The following THSD4 variants were observed in gnomAD, a reference collection of about 807,000 sequenced individuals.
THSD4 encodes the protein thrombospondin type 1 domain containing 4.
In THSD4, 69 loss-of-function variants were observed where a neutral mutation model predicts 119.0. The observed-to-expected ratio is 0.58, with a 90% CI of 0.48 to 0.71. The LOEUF (loss-of-function observed/expected upper bound fraction) is 0.71. Among genes scored for constraint, THSD4 ranks in the 30% least tolerant of loss-of-function variants. The pLI is 0.00. For missense variants in THSD4, 1,393 were observed against 1,391.1 expected (o/e 1.00, Z -0.02); for synonymous variants, 524 against 540.4 (o/e 0.97, Z 0.42).
At chr15:71,757,577 T>A (rs936511217) in intron 14 of THSD4, among the ~76,000 whole-genome samples, 2 of 4,060 alleles carry the variant, frequency 4.9e-4, no homozygotes, top group African/African-American at 2.8e-3. Context: ...ACCACAGGCG[T>A]GAGCCACAAT....
chr15:71,215,030 C>G lies in THSD4; in HGVS notation c.100-5C>G. On this transcript the variant is annotated splice_polypyrimidine_tract_variant and splice_region_variant and intron_variant, in intron 3 of 17. Coordinates refer to ENST00000261862, the MANE Select transcript of THSD4 (RefSeq NM_024817.3). ...TGGTCCCCTAACCTGCCTCTGTCTC[C>G]GCAGGTCCCGCAGCGGATGGCGGCG... is the stretch of plus-strand genomic sequence containing the variant. 1 of 1,266,742 alleles carries G rather than the reference C, an allele frequency of 7.9e-7. No individual in the cohort carries two copies. Among genetic ancestry groups the G allele is most frequent in the Non-Finnish European group, 1.0e-6 (1 of 1,000,544 alleles). The allele number at this position is 1,266,742 out of a possible 1,614,324, so 78.5% of individuals were successfully genotyped here.
At chr15:71,636,520 G>C (rs1303167836) in intron 7 of THSD4, among the ~76,000 whole-genome samples, 1 of 152,164 alleles carries the variant, frequency 6.6e-6, no homozygotes, top group Non-Finnish European at 1.5e-5. Context: ...GATACTCAAA[G>C]TGTTAGTTTA....
chr15:71,257,986 G>A (rs1456887514), intron 6 of THSD4, among the ~76,000 whole-genome samples: 1 of 151,972 alleles, frequency 6.6e-6, no homozygotes, highest in African/African-American at 2.4e-5. Context: ...TTGATTCTGT[G>A]GATAGAGCTT....
intron 7 of THSD4, among the ~76,000 whole-genome samples, chr15:71,592,672 A>C (rs1435342767): frequency 1.3e-5 from 2 of 152,080 alleles, no homozygotes; most frequent in Middle Eastern, 6.8e-3. Flanking sequence ...TACAGAATGC[A>C]TTTTGTGGGA....
At chr15:71,588,433 A>G (rs1020346715) in intron 7 of THSD4, among the ~76,000 whole-genome samples, 1 of 148,054 alleles carries the variant, frequency 6.8e-6, no homozygotes, top group Non-Finnish European at 1.5e-5. Context: ...TTATTTATTT[A>G]TTTTTCTGAG....
At chr15:71,626,703 T>C (rs2050516457) in intron 7 of THSD4, among the ~76,000 whole-genome samples, 2 of 152,238 alleles carry the variant, frequency 1.3e-5, no homozygotes, top group East Asian at 3.8e-4. Flanking sequence ...AATCATCTGA[T>C]TATAACGCAT....
chr15:71,545,947 A>G (rs2048830786), intron 7 of THSD4, among the ~76,000 whole-genome samples: 1 of 152,158 alleles, frequency 6.6e-6, no homozygotes. Context: ...AAATGCTCAT[A>G]ACCTGAGGCT....
intron 8 of THSD4, among the ~76,000 whole-genome samples, chr15:71,686,381 CTG>C (rs1251270691): frequency 1.3e-5 from 2 of 152,170 alleles, no homozygotes; most frequent in African/African-American, 4.8e-5. Context: ...GAGAAAGAAA[CTG>C]TTTCTCTCTC....
chr15:71,736,061 ATCTCTCTGTCTCTCTCTTGC>A (rs1435264190), intron 10 of THSD4, among the ~76,000 whole-genome samples: 12 of 67,540 alleles, frequency 1.8e-4, no homozygotes, highest in African/African-American at 7.0e-4. Flanking sequence ...TTCTGTCTCT[ATCTCTCTGTCTCTCTCTTGC>A]TCTCTGTCTC....
chr15:71,528,828 A>G (rs2048566882), intron 7 of THSD4, among the ~76,000 whole-genome samples: 1 of 152,234 alleles, frequency 6.6e-6, no homozygotes, highest in African/African-American at 2.4e-5. Context: ...TTTAGGTTTC[A>G]TGGATGGTAA....
Position 71,758,039 on chromosome 15 carries a change from G to A in THSD4, c.2553G>A (p.Thr851=), listed in dbSNP as rs369990927. 29 of 1,604,436 alleles carry A rather than the reference G, an allele frequency of 1.8e-5. No individual in the cohort carries two copies. Among genetic ancestry groups the A allele is most frequent in the South Asian group, 5.6e-5 (5 of 89,672 alleles). Residue 851 remains threonine (T), a synonymous_variant, in exon 15 of 18, where the codon ACG becomes ACA. Coordinates refer to ENST00000261862, the MANE Select transcript of THSD4 (RefSeq NM_024817.3). ...EATPCDNGPC[T]GKVEWFAGSW... is the part of the protein sequence containing the mutation. ...CCCCATGTGACAACGGACCCTGCAC[G>A]GGCAAGGTGGAGTGGTTTGCCGGGA...
intron 1 of THSD4, among the ~76,000 whole-genome samples, chr15:71,138,381 G>T (rs1032073880): frequency 6.6e-6 from 1 of 152,020 alleles, no homozygotes; most frequent in South Asian, 2.1e-4. Flanking sequence ...GGGATTATGG[G>T]GATTACAATT....
At chr15:71,435,551 T>C (rs1429638398) in intron 7 of THSD4, among the ~76,000 whole-genome samples, 6 of 152,242 alleles carry the variant, frequency 3.9e-5, no homozygotes, top group Admixed American at 1.3e-4. Context: ...GGAAAGTCCC[T>C]GAGGTAACTT....
At position 71,713,872 on chromosome 15, in the gene THSD4, TA is replaced by T. The variant is rs550698521; in HGVS notation, c.1358-14669del. On this transcript the variant is annotated intron_variant, in intron 8 of 17. Transcript: ENST00000261862. The stretch of plus-strand genomic sequence containing the variant: ...AGGATTTGTGGATGGATGTGAAACC[TA>T]AAAAAAATTGTACTGGACAATGTTT... 6.6e-5 allele frequency among the ~76,000 whole-genome samples: 10 copies of T among 152,064 alleles called. No individual in the cohort carries two copies. The South Asian group carries it at 1.5e-3, about 22-fold the overall frequency.
At chr15:71,247,709 C>T (rs971995663) in intron 5 of THSD4, among the ~76,000 whole-genome samples, 1 of 152,128 alleles carries the variant, frequency 6.6e-6, no homozygotes, top group African/African-American at 2.4e-5. Flanking sequence ...GAAGGCTTCA[C>T]CTGCAAGTTT....
intron 8 of THSD4, among the ~76,000 whole-genome samples, chr15:71,680,837 A>G (rs1248951135): frequency 6.6e-6 from 1 of 152,238 alleles, no homozygotes; most frequent in African/African-American, 2.4e-5. Flanking sequence ...AGGTTAAATA[A>G]GGTAAAACAG....
intron 7 of THSD4, among the ~76,000 whole-genome samples, chr15:71,562,237 T>A (rs1457133913): frequency 6.6e-6 from 1 of 152,172 alleles, no homozygotes; most frequent in Non-Finnish European, 1.5e-5. Flanking sequence ...TTAAATCAGA[T>A]ACAGTTTAAA....
chr15:71,259,895 G>A (rs1012218720), intron 6 of THSD4, among the ~76,000 whole-genome samples: 1 of 152,166 alleles, frequency 6.6e-6, no homozygotes, highest in Non-Finnish European at 1.5e-5. Flanking sequence ...CCTGTCTTTT[G>A]TCTGAGCTGC....
At chr15:71,248,785 A>C (rs1307836310) in intron 5 of THSD4, among the ~76,000 whole-genome samples, 3 of 152,108 alleles carry the variant, frequency 2.0e-5, no homozygotes, top group Admixed American at 6.6e-5. Context: ...TTCTAATTCT[A>C]CTCCATCTCT....
Sources: allele counts gnomAD v4.1 joint callset (sites outside exome capture counted in the v4.1 genomes callset), GRCh38; gene constraint gnomAD v4.1.1; transcripts MANE v1.5; gene names NCBI Gene and HGNC (gene_info 2026-07-23, HGNC 2026-07-21).